The following NETO1 variants were observed in gnomAD, a reference collection of about 807,000 sequenced individuals.
NETO1 encodes the protein neuropilin and tolloid like 1.
A neutral mutation model predicts 61.3 loss-of-function variants in NETO1; 26 were observed. The observed-to-expected ratio is 0.42, with a 90% CI of 0.31 to 0.59. NETO1 has a LOEUF of 0.59. Ranked by LOEUF, NETO1 falls within the 20% of genes least tolerant of loss-of-function variation. NETO1 has a pLI of 0.12. For missense variants in NETO1, 531 were observed against 662.8 expected (o/e 0.80, Z 2.18); for synonymous variants, 225 against 225.8 (o/e 1.00, Z 0.03).
chr18:72,800,439 T>C (rs1421198577), intron 4 of NETO1, among the ~76,000 whole-genome samples: 1 of 151,812 alleles, frequency 6.6e-6, no homozygotes, highest in East Asian at 1.9e-4. Flanking sequence ...GATCAGAGAG[T>C]AGACTGGACA....
chr18:72,823,415 C>T (rs2073271005), intron 4 of NETO1, among the ~76,000 whole-genome samples: 1 of 152,008 alleles, frequency 6.6e-6, no homozygotes, highest in South Asian at 2.1e-4. Context: ...CAGAAAAGGC[C>T]TCTGAGATCA....
At chr18:72,862,244 T>C (rs545779757) in intron 3 of NETO1, among the ~76,000 whole-genome samples, 6 of 152,350 alleles carry the variant, frequency 3.9e-5, no homozygotes, top group African/African-American at 1.4e-4. Flanking sequence ...TCAGAATTCC[T>C]GGGGAAAGGC....
At chr18:72,793,966 C>A (rs2072225845) in intron 6 of NETO1, 151 bp downstream of exon 6, 1 of 866,388 alleles carries the variant, frequency 1.2e-6, no homozygotes. Flanking sequence ...CAAGAGAAGA[C>A]AAGTTACATC....
intron 8 of NETO1, chr18:72,752,052 T>G (rs72962350): frequency 6.6e-6 from 1 of 152,032 alleles, no homozygotes; most frequent in African/African-American, 2.4e-5. Flanking sequence ...GCTGTATGCA[T>G]TTAAGAGGCA....
Position 72,786,138 on chromosome 18 carries a change from T to C in NETO1, c.640-2232A>G, listed in dbSNP as rs187539090. On this transcript the variant is annotated intron_variant, in intron 6 of 10. Coordinates refer to ENST00000327305, the MANE Select transcript of NETO1 (RefSeq NM_138966.5). ...TGAATTCCTTTGTTCAGCATTCATA[T>C]TTATCATGCACCTATATGACAGACA... 2.1e-4 allele frequency among the ~76,000 whole-genome samples: 32 copies of C among 152,354 alleles called. 1 individual carries two copies. The highest frequency in any genetic ancestry group is 1.9e-3 in the Admixed American group (29 of 15,292).
At chr18:72,806,036 G>A (rs886793159) in intron 4 of NETO1, among the ~76,000 whole-genome samples, 3 of 152,122 alleles carry the variant, frequency 2.0e-5, no homozygotes, top group African/African-American at 7.2e-5. Context: ...ACTAAATGCT[G>A]CCCCAGGAAA....
intron 3 of NETO1, among the ~76,000 whole-genome samples, chr18:72,862,230 T>G (rs188226984): frequency 1.3e-5 from 2 of 152,348 alleles, no homozygotes; most frequent in East Asian, 3.9e-4. Flanking sequence ...TAAGGTTAAT[T>G]AAATCAGAAT....
rs1345913207 is a variant in NETO1, at chr18:72,858,075, T to C, written c.469+751A>G. Reference sequence around the variant, plus strand: ...CAAACTATATAAAAAATGGGCTTTATGTAATTTGAATCATTTTTCCATTTA... The same window carrying C: ...CAAACTATATAAAAAATGGGCTTTACGTAATTTGAATCATTTTTCCATTTA... On this transcript the variant is annotated intron_variant, in intron 4 of 10. Coordinates refer to ENST00000327305, the MANE Select transcript of NETO1 (RefSeq NM_138966.5). Among the ~76,000 whole-genome samples, 12 of 152,192 alleles carry C rather than the reference T, an allele frequency of 7.9e-5. 1 individual carries two copies. Among genetic ancestry groups the C allele is most frequent in the Admixed American group, 7.9e-4 (12 of 15,264 alleles).
chr18:72,855,613 A>G (rs1396667699), intron 4 of NETO1, among the ~76,000 whole-genome samples: 1 of 152,254 alleles, frequency 6.6e-6, no homozygotes, highest in Non-Finnish European at 1.5e-5. Flanking sequence ...TCAGAAGCAC[A>G]GCTACTATGA....
At chr18:72,862,959 C>T (rs2074624419) in intron 3 of NETO1, among the ~76,000 whole-genome samples, 1 of 152,082 alleles carries the variant, frequency 6.6e-6, no homozygotes, top group South Asian at 2.1e-4. Flanking sequence ...TTCATGTACT[C>T]CATCACTGAT....
intron 4 of NETO1, among the ~76,000 whole-genome samples, chr18:72,798,121 G>A (rs1387646179): frequency 6.6e-6 from 1 of 152,146 alleles, no homozygotes; most frequent in Non-Finnish European, 1.5e-5. Context: ...CCAGCTGTGG[G>A]CCACACAGCA....
In NETO1 at chr18:72,794,130, G is replaced by C; in HGVS notation, c.626C>G (p.Pro209Arg). The change falls in exon 6 of 11, where the codon CCT (proline) becomes CGT (arginine). Residue 209 changes from proline (P) to arginine (R), a missense_variant. Physicochemically the swap from Pro to Arg is moderately radical, Grantham distance 103. Coordinates refer to ENST00000327305, the MANE Select transcript of NETO1 (RefSeq NM_138966.5). The part of the protein sequence containing the change: ...AVDCKWYIRA[P>R]PRSKIYLRFL... ...CTTAAGACTGACCTTGGACCGTGGAGGTGCTCGGATGTACCACTTGCAATC... is the reference window on the plus strand; with the variant it reads ...CTTAAGACTGACCTTGGACCGTGGACGTGCTCGGATGTACCACTTGCAATC... The C allele has an allele frequency of 6.2e-7, 1 of 1,614,184 alleles. No homozygotes were observed. The highest frequency in any genetic ancestry group is 1.1e-5 in the South Asian group (1 of 91,078).
chr18:72,759,616 T>C (rs773285638), intron 7 of NETO1, among the ~76,000 whole-genome samples: 29 of 152,182 alleles, frequency 1.9e-4, no homozygotes, highest in Non-Finnish European at 3.7e-4. Context: ...TTCAAGGCCA[T>C]GGTCTTCCAA....
In NETO1 at chr18:72,744,013, A is replaced by C. The variant is rs2070380132; in HGVS notation, c.*4166T>G. The C allele has an allele frequency of 1.3e-5, 2 of 152,188 alleles. No homozygotes were observed. The highest frequency in any genetic ancestry group is 1.3e-4 in the Admixed American group (2 of 15,278). 9.4% of individuals were successfully genotyped at this position (152,188 alleles called of 1,614,324 possible). A position where few individuals can be genotyped will look rare whatever the true frequency, so the allele number is the denominator to read the frequency against. ...ACTACATGATCATACTGTTTCAGGA[A>C]TAAGGAGATTCTGGAAACCAACCCA... On this transcript the variant is annotated 3_prime_UTR_variant, in exon 11 of 11. Transcript: ENST00000327305.
chr18:72,777,261 C>CA (rs936016773), intron 7 of NETO1, among the ~76,000 whole-genome samples: 4 of 151,628 alleles, frequency 2.6e-5, no homozygotes, highest in African/African-American at 9.7e-5. Flanking sequence ...CTACTAAATA[C>CA]AAAAAAATTA....
intron 4 of NETO1, among the ~76,000 whole-genome samples, chr18:72,797,592 T>C (rs563255460): frequency 1.3e-5 from 2 of 152,372 alleles, no homozygotes; most frequent in African/African-American, 4.8e-5. Context: ...TCTTCCACTC[T>C]GGATCTGTCC....
At chr18:72,816,702 G>A (rs2073043467) in intron 4 of NETO1, among the ~76,000 whole-genome samples, 1 of 152,184 alleles carries the variant, frequency 6.6e-6, no homozygotes, top group African/African-American at 2.4e-5. Context: ...CCACCCCACT[G>A]TGGGCCTATT....
At chr18:72,850,414 G>A (rs1395496841) in intron 4 of NETO1, among the ~76,000 whole-genome samples, 2 of 151,904 alleles carry the variant, frequency 1.3e-5, no homozygotes, top group African/African-American at 4.8e-5. Flanking sequence ...AAAATGTTTT[G>A]GTCTAGACAA....
chr18:72,754,200 C>A lies in NETO1; in HGVS notation c.982+1834G>T, dbSNP rs552092924. Among the ~76,000 whole-genome samples the A allele has an allele frequency of 1.3e-4, 20 of 152,020 alleles. No homozygotes were observed. The East Asian group carries it at 3.9e-3, about 29-fold the overall frequency. On this transcript the variant is annotated intron_variant, in intron 8 of 10. Transcript: ENST00000327305. The stretch of plus-strand genomic sequence containing the variant: ...AGAAAGTAAAACAATGCATTAAAAA[C>A]TCTAAAATAATTAAAATGTTGGACT...
Sources: allele counts gnomAD v4.1 joint callset (sites outside exome capture counted in the v4.1 genomes callset), GRCh38; gene constraint gnomAD v4.1.1; transcripts MANE v1.5; gene names NCBI Gene and HGNC (gene_info 2026-07-23, HGNC 2026-07-21).